Variants in DPYD observed in about 807,000 individuals in gnomAD.
DPYD encodes the protein dihydropyrimidine dehydrogenase [NADP(+)].
Under a neutral mutation model 116.2 loss-of-function variants are expected in DPYD, and 109 were observed. That is an observed-to-expected ratio of 0.94 (90% CI 0.80 to 1.10). The LOEUF is 1.10. DPYD is among the 50% of genes least tolerant of loss of function. DPYD has a pLI of 0.00. For missense variants in DPYD, 1,302 were observed against 1,254.5 expected (o/e 1.04, Z -0.57); for synonymous variants, 440 against 432.0 (o/e 1.02, Z -0.23).
intron 10 of DPYD, among the ~76,000 whole-genome samples, chr1:97,578,472 A>G (rs1053845798): frequency 1.3e-5 from 2 of 152,168 alleles, no homozygotes; most frequent in African/African-American, 4.8e-5. Flanking sequence ...AAAGAAAAAA[A>G]AAATCTGTGG....
chr1:97,610,747 A>G (rs575020914), intron 8 of DPYD, among the ~76,000 whole-genome samples: 1 of 152,094 alleles, frequency 6.6e-6, no homozygotes, highest in African/African-American at 2.4e-5. Flanking sequence ...AAAGATTACA[A>G]TTTTTTGCCC....
chr1:97,092,577 G>A (rs1460763147), intron 21 of DPYD, among the ~76,000 whole-genome samples: 3 of 152,090 alleles, frequency 2.0e-5, no homozygotes, highest in African/African-American at 7.2e-5. Flanking sequence ...ATTAGGTTAA[G>A]TAAGAAATAA....
At chr1:97,692,685 T>C in intron 6 of DPYD, among the ~76,000 whole-genome samples, 1 of 152,188 alleles carries the variant, frequency 6.6e-6, no homozygotes, top group Admixed American at 6.5e-5. Flanking sequence ...TTCACCAAAT[T>C]CTCACTGTTA....
chr1:97,594,764 T>A lies in DPYD; in HGVS notation c.958+295A>T, dbSNP rs147379537. On this transcript the variant is annotated intron_variant, in intron 9 of 22. Coordinates refer to ENST00000370192, the MANE Select transcript of DPYD (RefSeq NM_000110.4). ...ATTCATGCCATTTCTTTGAAAAACATCTTCCAATGTTTGTTAAGGACTTGC... is the reference window on the plus strand; with the variant it reads ...ATTCATGCCATTTCTTTGAAAAACAACTTCCAATGTTTGTTAAGGACTTGC... 3.0e-4 allele frequency among the ~76,000 whole-genome samples: 46 copies of A among 152,282 alleles called. 1 individual carries two copies. The East Asian group carries it at 8.5e-3, about 28-fold the overall frequency.
intron 11 of DPYD, among the ~76,000 whole-genome samples, chr1:97,567,267 C>G (rs1054715933): frequency 6.6e-6 from 1 of 151,854 alleles, no homozygotes; most frequent in Non-Finnish European, 1.5e-5. Flanking sequence ...ATGAGGCTTT[C>G]AAAAACTTTT....
chr1:97,475,347 G>A (rs1419801429), intron 13 of DPYD, among the ~76,000 whole-genome samples: 2 of 152,024 alleles, frequency 1.3e-5, no homozygotes, highest in African/African-American at 4.8e-5. Flanking sequence ...GAAAACATAT[G>A]TTAACACATG....
intron 16 of DPYD, among the ~76,000 whole-genome samples, chr1:97,343,734 A>G (rs1414966324): frequency 6.6e-6 from 1 of 152,040 alleles, no homozygotes; most frequent in Non-Finnish European, 1.5e-5. Flanking sequence ...TTAATATATG[A>G]GTGCTAAAGC....
chr1:97,328,126 T>C (rs1033911099), intron 16 of DPYD, among the ~76,000 whole-genome samples: 2 of 152,054 alleles, frequency 1.3e-5, no homozygotes, highest in African/African-American at 4.8e-5. Context: ...GAGAGTAGAG[T>C]ATACAGGGCT....
intron 11 of DPYD, among the ~76,000 whole-genome samples, chr1:97,551,024 T>C (rs1651281721): frequency 6.6e-6 from 1 of 152,170 alleles, no homozygotes; most frequent in African/African-American, 2.4e-5. Flanking sequence ...AGAACAGCAA[T>C]TTGTCCACAC....
intron 18 of DPYD, among the ~76,000 whole-genome samples, chr1:97,281,185 G>A (rs1665297640): frequency 6.6e-6 from 1 of 151,804 alleles, no homozygotes; most frequent in African/African-American, 2.4e-5. Flanking sequence ...ATAAATCAGA[G>A]GGGAGAATGA....
rs1002640895 is a variant in DPYD, at chr1:97,578,526, A to G, written c.1129-4556T>C. The stretch of plus-strand genomic sequence containing the variant: ...CTACAGAGGAGAAACTGAGGCTCAG[A>G]GAAGCCAAAAATACACTAAGGGATG... On this transcript the variant is annotated intron_variant, in intron 10 of 22. Coordinates refer to ENST00000370192, the MANE Select transcript of DPYD (RefSeq NM_000110.4). Among the ~76,000 whole-genome samples the G allele has an allele frequency of 2.0e-5, 3 of 152,326 alleles. No individual in the cohort carries two copies. The South Asian group carries it at 6.2e-4, about 32-fold the overall frequency.
Position 97,651,929 on chromosome 1 carries a change from C to A in DPYD, c.850+27166G>T, listed in dbSNP as rs548129461. The stretch of plus-strand genomic sequence containing the variant: ...TAAGCTATTAAAATCATTTCAGAAG[C>A]CAAAGAAAGGCAATTTATCTACCTA... On this transcript the variant is annotated intron_variant, in intron 8 of 22. Coordinates refer to ENST00000370192, the MANE Select transcript of DPYD (RefSeq NM_000110.4). 4.6e-5 allele frequency among the ~76,000 whole-genome samples: 7 copies of A among 151,940 alleles called. No homozygotes were observed. In the East Asian group the frequency reaches 1.4e-3, roughly 29 times the overall value.
chr1:97,305,196 A>G (rs1667083985), intron 18 of DPYD, 63 bp downstream of exon 18: 1 of 1,609,854 alleles, frequency 6.2e-7, no homozygotes, highest in Non-Finnish European at 8.5e-7. Flanking sequence ...CTCTTGCAAC[A>G]TGACCTTCTG....
intron 14 of DPYD, among the ~76,000 whole-genome samples, chr1:97,448,788 A>T (rs1163360143): frequency 6.6e-6 from 1 of 152,016 alleles, no homozygotes; most frequent in Non-Finnish European, 1.5e-5. Flanking sequence ...ATAAGCAGAA[A>T]CTATAGATTT....
At chr1:97,406,566 C>T (rs1311088851) in intron 14 of DPYD, among the ~76,000 whole-genome samples, 4 of 148,284 alleles carry the variant, frequency 2.7e-5, no homozygotes, top group South Asian at 2.2e-4. Flanking sequence ...CCCCACCCCC[C>T]GACAGGCCCC....
intron 6 of DPYD, among the ~76,000 whole-genome samples, chr1:97,697,240 T>TA (rs1361297770): frequency 6.6e-6 from 1 of 152,016 alleles, no homozygotes; most frequent in Non-Finnish European, 1.5e-5. Context: ...AAATCCTAGA[T>TA]ATTTTTCACT....
chr1:97,376,887 G>GTATATATATATATATATA (rs1553166538), intron 15 of DPYD, among the ~76,000 whole-genome samples: 3 of 128,446 alleles, frequency 2.3e-5, no homozygotes, highest in Admixed American at 8.2e-5. Flanking sequence ...GTGTGTGTGT[G>GTATATATATATATATATA]TATATATATA....
chr1:97,537,811 A>G (rs1367424507), intron 12 of DPYD, among the ~76,000 whole-genome samples: 1 of 152,226 alleles, frequency 6.6e-6, no homozygotes, highest in Non-Finnish European at 1.5e-5. Flanking sequence ...CGTTGAGGGC[A>G]TTGAAGAAAT....
intron 20 of DPYD, among the ~76,000 whole-genome samples, chr1:97,145,891 C>CT (rs1654589745): frequency 6.6e-6 from 1 of 151,642 alleles, no homozygotes; most frequent in African/African-American, 2.4e-5. Flanking sequence ...GAATACATTG[C>CT]TTTTTTAATA....
Sources: allele counts gnomAD v4.1 joint callset (sites outside exome capture counted in the v4.1 genomes callset), GRCh38; gene constraint gnomAD v4.1.1; transcripts MANE v1.5; gene names NCBI Gene and HGNC (gene_info 2026-07-23, HGNC 2026-07-21).